BRIP1: variants seen among roughly 807,000 people sequenced by gnomAD.
BRIP1 encodes the protein Fanconi anemia group J protein.
In BRIP1, 88 loss-of-function variants were observed where a neutral mutation model predicts 119.7. The ratio of observed to expected loss-of-function variants is 0.74; its 90% CI spans 0.62 to 0.88. The LOEUF (loss-of-function observed/expected upper bound fraction) is 0.88, where lower values mean the gene tolerates loss of function less well. Among genes scored for constraint, BRIP1 ranks in the 40% least tolerant of loss-of-function variants. BRIP1 has a pLI of 0.00. For missense variants in BRIP1, 1,259 were observed against 1,455.4 expected, an observed-to-expected ratio of 0.87 and a Z score of 2.20; for synonymous variants, 443 against 496.5, an observed-to-expected ratio of 0.89 and a Z score of 1.43.
chr17:61,801,655 A>G (rs1031482144), intron 7 of BRIP1, among the ~76,000 whole-genome samples, 181 bp from the exon 8 acceptor site: 1 of 152,212 alleles, frequency 6.6e-6, no homozygotes, highest in African/African-American at 2.4e-5. Flanking sequence ...TACAATCACA[A>G]CGAAGTCTGG....
intron 10 of BRIP1, among the ~76,000 whole-genome samples, chr17:61,792,130 A>C (rs781490105): frequency 2.0e-5 from 3 of 152,158 alleles, no homozygotes; most frequent in Admixed American, 6.5e-5. Context: ...AGCAGTGGCT[A>C]TTCACAAGCA....
In BRIP1 at chr17:61,725,277, C is replaced by T. The variant is rs1314233676; in HGVS notation, c.2380-9214G>A. On this transcript the variant is annotated intron_variant, in intron 16 of 19. Transcript: ENST00000259008. The surrounding 1 kb of genome is among the most constrained non-coding windows in gnomAD (Gnocchi z 5.3). ...TGGTTTTTAGTTGTTACTTACTTTCCCTGTTACGTTACAACTTGACCACAA... is the reference window on the plus strand; with the variant it reads ...TGGTTTTTAGTTGTTACTTACTTTCTCTGTTACGTTACAACTTGACCACAA... 3.3e-5 allele frequency among the ~76,000 whole-genome samples: 5 copies of T among 152,040 alleles called. No homozygotes were observed. The highest frequency in any genetic ancestry group is 4.8e-5 in the African/African-American group (2 of 41,400).
chr17:61,689,027 T>TGTTATGTTATGTTATGTTAC lies in BRIP1; in HGVS notation c.2576-2863_2576-2862insGTAACATAACATAACATAAC, dbSNP rs1285268250. Among the ~76,000 whole-genome samples, 26 of 26,386 alleles carry TGTTATGTTATGTTATGTTAC rather than the reference T, an allele frequency of 9.9e-4. No individual in the cohort carries two copies. Among genetic ancestry groups the TGTTATGTTATGTTATGTTAC allele is most frequent in the Non-Finnish European group, 1.3e-3 (21 of 15,686 alleles). 17.3% of individuals were successfully genotyped at this position (26,386 alleles called of 152,430 possible). A position where few individuals can be genotyped will look rare whatever the true frequency, so the allele number is the denominator to read the frequency against. ...ACTTTATTTTATATATTTTATATTC[T>TGTTATGTTATGTTATGTTAC]GTTATGTTATGTTATGTTATGTTAT... On this transcript the variant is annotated intron_variant, in intron 18 of 19. Coordinates refer to ENST00000259008, the MANE Select transcript of BRIP1 (RefSeq NM_032043.3). This position sits in a 1 kb window ranked among gnomAD's most constrained non-coding sequence, Gnocchi z 4.5.
rs2078720410 is a variant in BRIP1, at chr17:61,845,865, A to C, written c.627+1236T>G. Among the ~76,000 whole-genome samples the C allele has an allele frequency of 6.6e-6, 1 of 152,242 alleles. No individual in the cohort carries two copies. Among genetic ancestry groups the C allele is most frequent in the Non-Finnish European group, 1.5e-5 (1 of 68,042 alleles). ...TAATTTTTACTGCTTCATCAAAGAC[A>C]TTCTTAAATGAAACTGGTTTTTTTT... On this transcript the variant is annotated intron_variant, in intron 6 of 19. Coordinates refer to ENST00000259008, the MANE Select transcript of BRIP1 (RefSeq NM_032043.3). The surrounding 1 kb of genome is among the most constrained non-coding windows in gnomAD (Gnocchi z 4.2).
Position 61,803,763 on chromosome 17 carries a change from G to A in BRIP1, c.919-2289C>T, listed in dbSNP as rs1200932710. On this transcript the variant is annotated intron_variant, in intron 7 of 19. Transcript: ENST00000259008. This position sits in a 1 kb window ranked among gnomAD's most constrained non-coding sequence, Gnocchi z 4.3. ...TTTTTAGTAGAAGTATAAAATTCTA[G>A]TAGTAGAAGTACATAGGCAATTTGT... Among the ~76,000 whole-genome samples the A allele has an allele frequency of 1.3e-5, 2 of 152,082 alleles. No homozygotes were observed. Among genetic ancestry groups the A allele is most frequent in the African/African-American group, 2.4e-5 (1 of 41,422 alleles).
intron 14 of BRIP1, among the ~76,000 whole-genome samples, chr17:61,765,379 T>TATATATA (rs1191564195): frequency 2.6e-5 from 1 of 37,748 alleles, no homozygotes; most frequent in Non-Finnish European, 4.5e-5. Context: ...TGTGTATATA[T>TATATATA]TATATATATA....
Position 61,691,820 on chromosome 17 carries a change from A to G in BRIP1, c.2575+1610T>C, listed in dbSNP as rs942024768. On this transcript the variant is annotated intron_variant, in intron 18 of 19. Coordinates refer to ENST00000259008, the MANE Select transcript of BRIP1 (RefSeq NM_032043.3). The surrounding 1 kb of genome is among the most constrained non-coding windows in gnomAD (Gnocchi z 5.0). ...GCAAAAGAACCTTGAGAAAAATGAT[A>G]AAAGCTGCAGGCATCATACCTCCCG... 5.9e-5 allele frequency among the ~76,000 whole-genome samples: 9 copies of G among 152,320 alleles called. No homozygotes were observed. The highest frequency in any genetic ancestry group is 5.2e-4 in the Admixed American group (8 of 15,290).
Position 61,709,655 on chromosome 17 carries a change from A to C in BRIP1, c.2492+6296T>G, listed in dbSNP as rs111270971. On this transcript the variant is annotated intron_variant, in intron 17 of 19. Transcript: ENST00000259008. The surrounding 1 kb of genome is among the most constrained non-coding windows in gnomAD (Gnocchi z 5.0). ...GTTAATGAAACAATTCAAAGAAAAA[A>C]GATTTCACCTTTTCTTTTTACCATT... is the stretch of plus-strand genomic sequence containing the variant. 5.5e-4 allele frequency among the ~76,000 whole-genome samples: 84 copies of C among 152,332 alleles called. 1 individual carries two copies. Among genetic ancestry groups the C allele is most frequent in the African/African-American group, 1.9e-3 (77 of 41,566 alleles).
chr17:61,859,926 A>G lies in BRIP1; in HGVS notation c.94-19T>C. The G allele has an allele frequency of 2.0e-6, 3 of 1,493,576 alleles. No individual in the cohort carries two copies. The highest frequency in any genetic ancestry group is 2.8e-6 in the Non-Finnish European group (3 of 1,070,470). The allele number at this position is 1,493,576 out of a possible 1,614,324, so 92.5% of individuals were successfully genotyped here. A position where few individuals can be genotyped will look rare whatever the true frequency, so the allele number is the denominator to read the frequency against. On this transcript the variant is annotated intron_variant, in intron 2 of 19. Transcript: ENST00000259008. ...TGAGAATCTATGAACACAGAAACCA[A>G]TGAAAATAATAAACATATTAACTTT... is the stretch of plus-strand genomic sequence containing the variant.
At position 61,695,595 on chromosome 17, in the gene BRIP1, G is replaced by T. The variant is rs2061508682; in HGVS notation, c.2493-2083C>A. ...TATAGGGGAGTGTTGATATCCTAATGATAAGTCTTCTAATCCATGAACGTG... is the reference window on the plus strand; with the variant it reads ...TATAGGGGAGTGTTGATATCCTAATTATAAGTCTTCTAATCCATGAACGTG... On this transcript the variant is annotated intron_variant, in intron 17 of 19. Transcript: ENST00000259008. This position sits in a 1 kb window ranked among gnomAD's most constrained non-coding sequence, Gnocchi z 4.3. 6.6e-6 allele frequency among the ~76,000 whole-genome samples: 1 copy of T among 151,992 alleles called. No homozygotes were observed. Among genetic ancestry groups the T allele is most frequent in the African/African-American group, 2.4e-5 (1 of 41,410 alleles).
chr17:61,780,396 A>C lies in BRIP1; in HGVS notation c.1800T>G (p.Phe600Leu), dbSNP rs375625993. 3 of 1,608,578 alleles carry C rather than the reference A, an allele frequency of 1.9e-6. No individual in the cohort carries two copies. Among genetic ancestry groups the C allele is most frequent in the African/African-American group, 2.7e-5 (2 of 74,804 alleles). The change falls in exon 13 of 20, where the codon TTT (phenylalanine) becomes TTG (leucine). Residue 600 changes from phenylalanine to leucine, a missense_variant. Physicochemically the swap from Phe to Leu is conservative, Grantham distance 22. This residue lies in a region of BRIP1 where 753 missense variants were observed against 891.8 expected (regional missense o/e 0.84). Transcript: ENST00000259008. This position sits in a 1 kb window ranked among gnomAD's most constrained non-coding sequence, Gnocchi z 5.4. ...TCTGAACTTTGCCATTAATATCTGAAAAGGCCTAAAAGAAAACAACATTAG... is the reference window on the plus strand; with the variant it reads ...TCTGAACTTTGCCATTAATATCTGACAAGGCCTAAAAGAAAACAACATTAG... ...NFWCLNPAVA[F>L]SDINGKVQTI...
rs2077930546 is a variant in BRIP1 at position 61,798,158 on chromosome 17, G to T, written c.1340+942C>A. Among the ~76,000 whole-genome samples the T allele has an allele frequency of 6.6e-6, 1 of 151,638 alleles. No individual in the cohort carries two copies. Among genetic ancestry groups the T allele is most frequent in the Non-Finnish European group, 1.5e-5 (1 of 67,850 alleles). Reference sequence around the variant, plus strand: ...CAACCTCCTCTATTAATCAGAGGCTGGTTAAATAAACTATTGCATATCTAT... The same window carrying T: ...CAACCTCCTCTATTAATCAGAGGCTTGTTAAATAAACTATTGCATATCTAT... On this transcript the variant is annotated intron_variant, in intron 9 of 19. Transcript: ENST00000259008. This position sits in a 1 kb window ranked among gnomAD's most constrained non-coding sequence, Gnocchi z 5.5.
intron 6 of BRIP1, among the ~76,000 whole-genome samples, chr17:61,836,625 T>TA (rs1475020758): frequency 2.0e-5 from 3 of 152,110 alleles, no homozygotes; most frequent in African/African-American, 4.8e-5. Flanking sequence ...ATGCTGGTTA[T>TA]AAAAAACTGA....
chr17:61,844,474 T>C lies in BRIP1; in HGVS notation c.627+2627A>G, dbSNP rs2078700503. ...GCATGGTGTTGCACAGCTGTAGTCCTTGCTATTCAGGAGGCTGGGGTTGGA... is the reference window on the plus strand; with the variant it reads ...GCATGGTGTTGCACAGCTGTAGTCCCTGCTATTCAGGAGGCTGGGGTTGGA... On this transcript the variant is annotated intron_variant, in intron 6 of 19. Coordinates refer to ENST00000259008, the MANE Select transcript of BRIP1 (RefSeq NM_032043.3). The surrounding 1 kb of genome is among the most constrained non-coding windows in gnomAD (Gnocchi z 4.7). 1.3e-5 allele frequency among the ~76,000 whole-genome samples: 2 copies of C among 152,260 alleles called. No individual in the cohort carries two copies. The highest frequency in any genetic ancestry group is 3.9e-4 in the East Asian group (2 of 5,166).
chr17:61,703,282 T>G lies in BRIP1; in HGVS notation c.2493-9770A>C, dbSNP rs2061644467. On this transcript the variant is annotated intron_variant, in intron 17 of 19. Transcript: ENST00000259008. The surrounding 1 kb of genome is among the most constrained non-coding windows in gnomAD (Gnocchi z 5.0). ...TTTTGCCATGTTGGGCAGAGTGGTC[T>G]TCAACTCCTGACCTCAAGTGACCTG... Among the ~76,000 whole-genome samples the G allele has an allele frequency of 6.6e-6, 1 of 152,196 alleles. No individual in the cohort carries two copies. Among genetic ancestry groups the G allele is most frequent in the South Asian group, 2.1e-4 (1 of 4,838 alleles).
At chr17:61,849,608 C>T (rs1420813724) in intron 4 of BRIP1, among the ~76,000 whole-genome samples, 1 of 152,130 alleles carries the variant, frequency 6.6e-6, no homozygotes, top group Non-Finnish European at 1.5e-5. Context: ...AACGTTTCTT[C>T]CCTACTAAGT....
At chr17:61,779,059 T>C (rs1244893448) in intron 13 of BRIP1, among the ~76,000 whole-genome samples, 1 of 152,178 alleles carries the variant, frequency 6.6e-6, no homozygotes, top group African/African-American at 2.4e-5. Flanking sequence ...AAAATAACAA[T>C]CTATACATTT....
rs2144095602 is a variant in BRIP1, at chr17:61,684,188, C to T, written c.2906-48G>A. ...GATTTAACTTTCTGCTCCTAGCTAACATAATTGCTAGGTTAAAATAATTAT... is the reference window on the plus strand; with the variant it reads ...GATTTAACTTTCTGCTCCTAGCTAATATAATTGCTAGGTTAAAATAATTAT... On this transcript the variant is annotated intron_variant, in intron 19 of 19. Coordinates refer to ENST00000259008, the MANE Select transcript of BRIP1 (RefSeq NM_032043.3). This position sits in a 1 kb window ranked among gnomAD's most constrained non-coding sequence, Gnocchi z 4.5. 1.3e-6 allele frequency: 2 copies of T among 1,581,976 alleles called. No individual in the cohort carries two copies. The highest frequency in any genetic ancestry group is 1.1e-5 in the South Asian group (1 of 88,520).
chr17:61,749,625 T>C (rs1041423916), intron 14 of BRIP1, among the ~76,000 whole-genome samples: 2 of 152,168 alleles, frequency 1.3e-5, no homozygotes, highest in South Asian at 2.1e-4. Flanking sequence ...TGTTGTGATA[T>C]TGGAATCCTT....
Sources: allele counts gnomAD v4.1 joint callset (sites outside exome capture counted in the v4.1 genomes callset), GRCh38; gene constraint gnomAD v4.1.1; regional missense constraint gnomAD v4.1.1; non-coding constraint Gnocchi (gnomAD v3.1); transcripts MANE v1.5; gene names NCBI Gene and HGNC (gene_info 2026-07-23, HGNC 2026-07-21).